Variants in AFG3L2 observed in about 807,000 individuals in gnomAD.
AFG3L2 encodes AFG3 like matrix AAA peptidase subunit 2.
In AFG3L2, 54 loss-of-function variants were observed where a neutral mutation model predicts 94.5. The observed-to-expected ratio is 0.57, with a 90% CI of 0.46 to 0.72. The LOEUF is 0.72. Among genes scored for constraint, AFG3L2 ranks in the 30% least tolerant of loss-of-function variants. AFG3L2 has a pLI of 0.00. For missense variants in AFG3L2, 754 were observed against 994.9 expected (o/e 0.76, Z 3.26); for synonymous variants, 377 against 365.5 (o/e 1.03, Z -0.36).
rs756912142 is a variant in AFG3L2 at position 12,340,320 on chromosome 18, G to A, written c.1861C>T (p.Leu621Phe). 1.2e-6 allele frequency: 2 copies of A among 1,614,076 alleles called. No individual in the cohort carries two copies. Among genetic ancestry groups the A allele is most frequent in the Admixed American group, 3.3e-5 (2 of 60,024 alleles). ...KEQYLYTKEQ[L>F]LDRMCMTLGG... ...AAAGTCATACACATCCTATCCAAGA[G>A]CTGCTCTTTGGTATAGAGGTATTGT... Residue 621 changes from leucine to phenylalanine, a missense_variant, in exon 15 of 17, where the codon CTC (leucine) becomes TTC (phenylalanine). Transcript: ENST00000269143.
intron 5 of AFG3L2, among the ~76,000 whole-genome samples, chr18:12,365,235 C>G (rs1467555715): frequency 6.6e-6 from 1 of 152,134 alleles, no homozygotes; most frequent in African/African-American, 2.4e-5. Context: ...GCTGGGGAGA[C>G]AGCAGACTAA....
intron 6 of AFG3L2, among the ~76,000 whole-genome samples, chr18:12,361,165 T>C (rs1287844722): frequency 1.3e-5 from 2 of 152,008 alleles, no homozygotes; most frequent in Admixed American, 6.6e-5. Flanking sequence ...AGGTGAGGAG[T>C]TTGAGACCCC....
chr18:12,339,807 C>A (rs1469123956), intron 15 of AFG3L2, among the ~76,000 whole-genome samples: 1 of 148,266 alleles, frequency 6.7e-6, no homozygotes, highest in Non-Finnish European at 1.5e-5. Context: ...CGAGATTGCA[C>A]CACTGCACTC....
intron 1 of AFG3L2, among the ~76,000 whole-genome samples, chr18:12,374,927 G>A (rs1019411582): frequency 2.0e-5 from 3 of 151,760 alleles, no homozygotes; most frequent in Admixed American, 6.6e-5. Context: ...GTAGTGGCGG[G>A]CGCCTGTAAT....
Position 12,367,309 on chromosome 18 carries a change from T to C in AFG3L2, c.366A>G (p.Lys122=), listed in dbSNP as rs757645715. Reference sequence around the variant, plus strand: ...ACCTGGACCACCAGTGAGAATCATCTTTCTTGCCACCTCGTTTTCCACCGC... The same window carrying C: ...ACCTGGACCACCAGTGAGAATCATCCTTCTTGCCACCTCGTTTTCCACCGC... ...GGGGGKRGGK[K]DDSHWWSRFQ... The change falls in exon 4 of 17, where the codon AAA becomes AAG. Residue 122 remains lysine, a synonymous_variant. Coordinates refer to ENST00000269143, the MANE Select transcript of AFG3L2 (RefSeq NM_006796.3). 7 of 1,614,222 alleles carry C rather than the reference T, an allele frequency of 4.3e-6. No individual in the cohort carries two copies. Among genetic ancestry groups the C allele is most frequent in the Non-Finnish European group, 5.1e-6 (6 of 1,180,036 alleles).
intron 16 of AFG3L2, among the ~76,000 whole-genome samples, chr18:12,333,449 C>T (rs536006020): frequency 6.8e-6 from 1 of 147,528 alleles, no homozygotes; most frequent in Non-Finnish European, 1.5e-5. Flanking sequence ...CCTCTAGCCT[C>T]AACTTCCTGG....
intron 9 of AFG3L2, among the ~76,000 whole-genome samples, chr18:12,355,770 G>A (rs562434111): frequency 1.3e-5 from 2 of 151,758 alleles, no homozygotes; most frequent in Admixed American, 6.6e-5. Flanking sequence ...CCAGGTTCAC[G>A]CCATTCTCCT....
intron 6 of AFG3L2, among the ~76,000 whole-genome samples, chr18:12,362,385 C>T (rs1431654254): frequency 6.6e-6 from 1 of 152,188 alleles, no homozygotes; most frequent in Admixed American, 6.5e-5. Flanking sequence ...TATGCACATA[C>T]AGAAAGCAAA....
rs369810142 is a variant in AFG3L2, at chr18:12,348,400, G to A, written c.1553-17C>T. On this transcript the variant is annotated splice_polypyrimidine_tract_variant and intron_variant, in intron 12 of 16. Coordinates refer to ENST00000269143, the MANE Select transcript of AFG3L2 (RefSeq NM_006796.3). ...CATCAGCACCTAAAAAATGAACACAGAACAGCTTACCCACCGAAATACGCC... is the reference window on the plus strand; with the variant it reads ...CATCAGCACCTAAAAAATGAACACAAAACAGCTTACCCACCGAAATACGCC... 1.2e-6 allele frequency: 2 copies of A among 1,605,476 alleles called. No individual in the cohort carries two copies. The highest frequency in any genetic ancestry group is 2.7e-5 in the African/African-American group (2 of 74,746).
At chr18:12,330,517 C>A (rs1907488278) in intron 16 of AFG3L2, among the ~76,000 whole-genome samples, 1 of 152,114 alleles carries the variant, frequency 6.6e-6, no homozygotes, top group African/African-American at 2.4e-5. Context: ...GTGGCTCACA[C>A]CTGTAATCCC....
Position 12,337,389 on chromosome 18 carries a change from A to G in AFG3L2, c.2127T>C (p.Tyr709=), listed in dbSNP as rs773540512. The change falls in exon 16 of 17, where the codon TAT becomes TAC. Residue 709 remains tyrosine (Y), a synonymous_variant. Transcript: ENST00000269143. The part of the protein sequence containing the change: ...DEVRILINDA[Y]KRTVALLTEK... ...CTGTGAGAAGAGCTACTGTTCTTTT[A>G]TAAGCATCATTAATAAGTATTCGTA... 1.9e-6 allele frequency: 3 copies of G among 1,614,080 alleles called. No individual in the cohort carries two copies. Among genetic ancestry groups the G allele is most frequent in the Non-Finnish European group, 2.5e-6 (3 of 1,180,012 alleles).
intron 15 of AFG3L2, 139 bp downstream of exon 15, chr18:12,340,059 ACTT>A (rs1907897640): frequency 3.8e-6 from 3 of 799,060 alleles, no homozygotes; most frequent in Admixed American, 2.0e-5. Context: ...TAATTGCTTT[ACTT>A]CTTTTAAGAG....
intron 3 of AFG3L2, among the ~76,000 whole-genome samples, chr18:12,368,580 T>G (rs1017649675): frequency 1.3e-5 from 2 of 152,170 alleles, no homozygotes; most frequent in African/African-American, 2.4e-5. Context: ...AGACGGAGTT[T>G]CACTCTGTCT....
intron 16 of AFG3L2, among the ~76,000 whole-genome samples, chr18:12,332,297 G>A (rs1907559407): frequency 1.3e-5 from 2 of 151,818 alleles, no homozygotes; most frequent in Non-Finnish European, 2.9e-5. Flanking sequence ...CTAACTTTTT[G>A]TATTTTAAGT....
chr18:12,359,233 G>T (rs1908585348), intron 7 of AFG3L2, among the ~76,000 whole-genome samples: 1 of 152,050 alleles, frequency 6.6e-6, no homozygotes, highest in South Asian at 2.1e-4. Context: ...GATGAGAGAA[G>T]AATCACCTAA....
chr18:12,373,957 T>C (rs1021443817), intron 1 of AFG3L2, among the ~76,000 whole-genome samples: 1 of 152,190 alleles, frequency 6.6e-6, no homozygotes, highest in African/African-American at 2.4e-5. Flanking sequence ...AATTTCAACA[T>C]GAGTTTTGGT....
chr18:12,359,130 C>T (rs895350431), intron 7 of AFG3L2, among the ~76,000 whole-genome samples, 187 bp from the exon 8 acceptor site: 11 of 152,176 alleles, frequency 7.2e-5, no homozygotes, highest in Non-Finnish European at 1.5e-4. Context: ...TCCATGGCAA[C>T]CAACTCTTCG....
At position 12,344,705 on chromosome 18, in the gene AFG3L2, T is replaced by G. The variant is rs552048404; in HGVS notation, c.1664-458A>C. On this transcript the variant is annotated intron_variant, in intron 13 of 16. Transcript: ENST00000269143. ...AAAAAAAATTAAATTAAGTTAAAAA[T>G]TTTTTTAAAAAATTAAATAGAATTC... Among the ~76,000 whole-genome samples, 243 of 151,800 alleles carry G rather than the reference T, an allele frequency of 1.6e-3. 2 individuals carry two copies. Among genetic ancestry groups the G allele is most frequent in the South Asian group, 8.5e-3 (41 of 4,810 alleles).
chr18:12,350,866 T>C lies in AFG3L2; in HGVS notation c.1552+219A>G, dbSNP rs141173687. Among the ~76,000 whole-genome samples the C allele has an allele frequency of 9.6e-4, 146 of 152,294 alleles. 1 individual carries two copies. Among genetic ancestry groups the C allele is most frequent in the African/African-American group, 3.4e-3 (142 of 41,560 alleles). On this transcript the variant is annotated intron_variant, in intron 12 of 16. Transcript: ENST00000269143. Reference sequence around the variant, plus strand: ...ACAAGGCTGAGACAGGAGGATCACTTGAGCCCAGAAGGTTGAGGCTACAGT... The same window carrying C: ...ACAAGGCTGAGACAGGAGGATCACTCGAGCCCAGAAGGTTGAGGCTACAGT...
Sources: allele counts gnomAD v4.1 joint callset (sites outside exome capture counted in the v4.1 genomes callset), GRCh38; gene constraint gnomAD v4.1.1; transcripts MANE v1.5; gene names NCBI Gene and HGNC (gene_info 2026-07-23, HGNC 2026-07-21).